LRGUK: variants seen among roughly 807,000 people sequenced by gnomAD.
The protein encoded by LRGUK is leucine-rich repeat and guanylate kinase domain-containing protein.
Under a neutral mutation model 76.0 loss-of-function variants are expected in LRGUK, and 65 were observed. The ratio of observed to expected loss-of-function variants is 0.85; its 90% confidence interval spans 0.70 to 1.05. The LOEUF is 1.05. Ranked by LOEUF, LRGUK falls within the 50% of genes least tolerant of loss-of-function variation. The pLI, the probability that LRGUK is intolerant of heterozygous loss-of-function variation, is 0.00. For missense variants in LRGUK, 758 were observed against 732.8 expected (o/e 1.03, Z -0.40); for synonymous variants, 268 against 265.6 (o/e 1.01, Z -0.09).
At chr7:134,207,377 T>C (rs2117113144) in intron 15 of LRGUK, among the ~76,000 whole-genome samples, 1 of 152,294 alleles carries the variant, frequency 6.6e-6, no homozygotes, top group African/African-American at 2.4e-5. Flanking sequence ...TTGCCTACTC[T>C]CGATATTTTC....
At chr7:134,247,565 T>A in exon 17 of LRGUK, 1 of 1,612,412 alleles carries the variant, frequency 6.2e-7, no homozygotes. Context: ...GGAAAGAGAT[T>A]CTATACACAG....
intron 19 of LRGUK, among the ~76,000 whole-genome samples, chr7:134,258,816 A>G (rs1213758892): frequency 2.0e-5 from 3 of 152,152 alleles, no homozygotes; most frequent in African/African-American, 4.8e-5. Context: ...TGAAAATTAA[A>G]TGAGAGTATT....
rs557719079 is a variant in LRGUK at position 134,216,909 on chromosome 7, T to G, written c.1844-4870T>G. 4.9e-4 allele frequency among the ~76,000 whole-genome samples: 75 copies of G among 152,276 alleles called. 3 individuals are homozygous for G. In the South Asian group the frequency reaches 0.015, roughly 30 times the overall value. ...AGCCCTTAGCAAGCAAAGATCATGC[T>G]TAGGGTGTGGGATTGGGTGGCAATC... On this transcript the variant is annotated intron_variant, in intron 15 of 19. Coordinates refer to the LRGUK transcript ENST00000285928.
chr7:134,147,282 C>CA (rs1469853978), intron 4 of LRGUK, among the ~76,000 whole-genome samples: 2 of 151,654 alleles, frequency 1.3e-5, no homozygotes, highest in Admixed American at 6.6e-5. Flanking sequence ...ACAACAACAA[C>CA]AAAAAACCCG....
chr7:134,240,777 GA>G (rs1802129744), intron 16 of LRGUK, among the ~76,000 whole-genome samples: 1 of 152,138 alleles, frequency 6.6e-6, no homozygotes, highest in Non-Finnish European at 1.5e-5. Flanking sequence ...TGAAATGACG[GA>G]AAAAATGGTA....
chr7:134,235,006 A>C (rs1388365809), intron 16 of LRGUK, among the ~76,000 whole-genome samples: 1 of 152,070 alleles, frequency 6.6e-6, no homozygotes, highest in Non-Finnish European at 1.5e-5. Flanking sequence ...TCTGCCCACT[A>C]TCCTGGTCTA....
downstream of LRGUK, among the ~76,000 whole-genome samples, chr7:134,211,680 T>C (rs1335053334): frequency 2.0e-5 from 3 of 152,252 alleles, no homozygotes; most frequent in Non-Finnish European, 4.4e-5. Flanking sequence ...GCCTTTATTA[T>C]GCCAAACCAT....
intron 3 of LRGUK, among the ~76,000 whole-genome samples, chr7:134,142,320 C>G (rs954925129): frequency 1.3e-5 from 2 of 152,194 alleles, no homozygotes; most frequent in Non-Finnish European, 2.9e-5. Flanking sequence ...TAATTCATTC[C>G]CCTACCTCTG....
intron 1 of LRGUK, 104 bp downstream of exon 1, chr7:134,127,768 CCTT>C (rs1293596787): frequency 2.3e-6 from 3 of 1,308,318 alleles, no homozygotes; most frequent in East Asian, 2.5e-5. Flanking sequence ...GCTTCCCACA[CCTT>C]CTCAGGCTCT....
At chr7:134,178,646 G>A in intron 10 of LRGUK, 37 bp downstream of exon 10, 1 of 1,550,456 alleles carries the variant, frequency 6.4e-7, no homozygotes. Flanking sequence ...AATTCAGGGT[G>A]AGCAAGCAAA....
intron 18 of LRGUK, among the ~76,000 whole-genome samples, chr7:134,255,289 GA>G (rs1802549701): frequency 6.6e-6 from 1 of 150,924 alleles, no homozygotes; most frequent in African/African-American, 2.4e-5. Flanking sequence ...TACCCGGCGA[GA>G]AAAAAATGCT....
chr7:134,171,483 T>A (rs774082414), intron 7 of LRGUK, among the ~76,000 whole-genome samples: 7 of 151,362 alleles, frequency 4.6e-5, no homozygotes, highest in Admixed American at 2.0e-4. Context: ...CATATATAAG[T>A]TTTTTTTTAA....
chr7:134,197,207 G>T, intron 13 of LRGUK, 102 bp downstream of exon 13: 5 of 674,734 alleles, frequency 7.4e-6, no homozygotes, highest in Non-Finnish European at 1.3e-5. Context: ...ACTTTTTACT[G>T]ATACATAATT....
intron 18 of LRGUK, among the ~76,000 whole-genome samples, chr7:134,255,264 C>CTACCCGGCGAGAAA (rs1802548238): frequency 7.2e-6 from 1 of 138,968 alleles, no homozygotes; most frequent in African/African-American, 2.6e-5. Flanking sequence ...CACACACACA[C>CTACCCGGCGAGAAA]AAATTTATAA....
rs113008410 is a variant in LRGUK, at chr7:134,157,203, T to C, written c.671-832T>C. Reference sequence around the variant, plus strand: ...ATGATTGAATGATTTTATGACCTCATTGATTGAATGGAGGTCAATGTAGAC... The same window carrying C: ...ATGATTGAATGATTTTATGACCTCACTGATTGAATGGAGGTCAATGTAGAC... On this transcript the variant is annotated intron_variant, in intron 5 of 15. Transcript: ENST00000645682. 8.5e-5 allele frequency among the ~76,000 whole-genome samples: 13 copies of C among 152,356 alleles called. 1 individual carries two copies. Among genetic ancestry groups the C allele is most frequent in the African/African-American group, 3.1e-4 (13 of 41,582 alleles).
intron 7 of LRGUK, among the ~76,000 whole-genome samples, chr7:134,173,654 A>G (rs1012536277): frequency 1.9e-4 from 29 of 152,194 alleles, no homozygotes; most frequent in African/African-American, 6.5e-4. Context: ...AAAATGGTGA[A>G]ACACAACCTA....
At chr7:134,129,796 A>T (rs978525447) in intron 1 of LRGUK, among the ~76,000 whole-genome samples, 8 of 152,042 alleles carry the variant, frequency 5.3e-5, no homozygotes, top group Non-Finnish European at 1.2e-4. Flanking sequence ...CAGTGCTCTC[A>T]TTCTGTGATA....
At chr7:134,175,730 T>C (rs1304925251) in intron 8 of LRGUK, among the ~76,000 whole-genome samples, 1 of 152,182 alleles carries the variant, frequency 6.6e-6, no homozygotes, top group African/African-American at 2.4e-5. Context: ...ACCAACCTAA[T>C]ATATAACAGA....
chr7:134,198,192 T>C (rs1800594973), intron 13 of LRGUK, among the ~76,000 whole-genome samples: 2 of 152,242 alleles, frequency 1.3e-5, no homozygotes, highest in Admixed American at 1.3e-4. Flanking sequence ...TTAAGGAATG[T>C]TTTCTTTGTT....
Sources: gnomAD v4.1 joint callset for allele counts (sites outside exome capture counted in the v4.1 genomes callset) on GRCh38, gnomAD v4.1.1 for gene constraint, MANE v1.5 for transcripts, NCBI Gene and HGNC (gene_info 2026-07-23, HGNC 2026-07-21) for gene names.